Variants in TUSC3 observed in about 807,000 individuals in gnomAD.
TUSC3 encodes the protein dolichyl-diphosphooligosaccharide--protein glycosyltransferase subunit TUSC3.
In TUSC3, 45 loss-of-function variants were observed where a neutral mutation model predicts 44.8. The observed-to-expected ratio is 1.00, with a 90% confidence interval of 0.79 to 1.29. The LOEUF is 1.29. TUSC3 is among the 50% of genes most tolerant of loss of function. The pLI is 0.00. For synonymous variants in TUSC3, 212 were observed against 152.9 expected, an observed-to-expected ratio of 1.39 and a Z score of -2.85; for missense variants, 519 against 437.9, an observed-to-expected ratio of 1.19 and a Z score of -1.65.
the TUSC3 span, among the ~76,000 whole-genome samples, chr8:15,775,315 G>A: frequency 6.6e-6 from 1 of 152,006 alleles, no homozygotes; most frequent in South Asian, 2.1e-4. Flanking sequence ...GGGTAGGATG[G>A]GGAGTGACTA....
At chr8:15,569,317 A>T (rs1040848920) in intron 1 of TUSC3, among the ~76,000 whole-genome samples, 2 of 152,176 alleles carry the variant, frequency 1.3e-5, no homozygotes, top group Non-Finnish European at 2.9e-5. Flanking sequence ...TGGAAAATAC[A>T]TGGGCAGTTT....
chr8:15,684,296 C>G (rs535894022), intron 6 of TUSC3, among the ~76,000 whole-genome samples: 1 of 152,214 alleles, frequency 6.6e-6, no homozygotes, highest in African/African-American at 2.4e-5. Flanking sequence ...CCCACTGTTC[C>G]TCTGTATTTG....
chr8:15,561,398 T>G (rs1311820461), intron 1 of TUSC3, among the ~76,000 whole-genome samples: 1 of 140,490 alleles, frequency 7.1e-6, no homozygotes, highest in Non-Finnish European at 1.6e-5. Flanking sequence ...GAACCACTGC[T>G]CTCTTAAAAG....
intron 1 of TUSC3, among the ~76,000 whole-genome samples, chr8:15,469,522 A>G (rs1323033154): frequency 6.6e-6 from 1 of 152,228 alleles, no homozygotes; most frequent in Non-Finnish European, 1.5e-5. Flanking sequence ...GTATGGAACA[A>G]CAGAAGTTCT....
At chr8:15,508,880 T>C (rs547842928) in intron 2 of TUSC3, among the ~76,000 whole-genome samples, 1 of 152,338 alleles carries the variant, frequency 6.6e-6, no homozygotes, top group African/African-American at 2.4e-5. Context: ...ATATATTACC[T>C]TAATTCTTCC....
chr8:15,623,205 T>TA lies in TUSC3; in HGVS notation c.265dup (p.Met89AsnfsTer18), dbSNP rs1271840462. 6.2e-7 allele frequency: 1 copy of TA among 1,613,066 alleles called. No homozygotes were observed. Among genetic ancestry groups the TA allele is most frequent in the Admixed American group, 1.7e-5 (1 of 59,954 alleles). Reference sequence around the variant, plus strand: ...CACCTCGAAACTATTCCATGATTGTTATGTTCACTGCTCTTCAGCCTCAGC... The same window carrying TA: ...CACCTCGAAACTATTCCATGATTGTTAATGTTCACTGCTCTTCAGCCTCAGC... On this transcript the variant is annotated frameshift_variant, in exon 2 of 11. Coordinates refer to ENST00000503731, the MANE Select transcript of TUSC3 (RefSeq NM_006765.4). LOFTEE classifies it high-confidence loss of function.
At chr8:15,749,414 A>T (rs1007203112) in intron 9 of TUSC3, among the ~76,000 whole-genome samples, 1 of 152,144 alleles carries the variant, frequency 6.6e-6, no homozygotes, top group African/African-American at 2.4e-5. Context: ...TTATAATACA[A>T]GAATAAGACC....
At chr8:15,639,163 C>G (rs1240439165) in intron 2 of TUSC3, among the ~76,000 whole-genome samples, 1 of 122,074 alleles carries the variant, frequency 8.2e-6, no homozygotes, top group African/African-American at 3.2e-5. Flanking sequence ...GATCATGTGT[C>G]GATGCTAGAT....
intron 1 of TUSC3, among the ~76,000 whole-genome samples, chr8:15,446,761 G>A (rs1382315859): frequency 9.4e-6 from 1 of 106,532 alleles, no homozygotes; most frequent in African/African-American, 3.4e-5. Flanking sequence ...GAGGGGGAGG[G>A]AGAGCTATTT....
chr8:15,492,992 CAAAT>C (rs1800830392), intron 2 of TUSC3, among the ~76,000 whole-genome samples: 1 of 151,884 alleles, frequency 6.6e-6, no homozygotes, highest in African/African-American at 2.4e-5. Context: ...CCTGTCTCAA[CAAAT>C]AAATACATAG....
intron 6 of TUSC3, among the ~76,000 whole-genome samples, chr8:15,682,410 T>A (rs1808464428): frequency 6.6e-6 from 1 of 152,210 alleles, no homozygotes; most frequent in Admixed American, 6.5e-5. Flanking sequence ...TCTTTATCAT[T>A]ATGTAATTAC....
At chr8:15,671,471 C>G (rs116449693) in intron 5 of TUSC3, among the ~76,000 whole-genome samples, 1,709 of 152,048 alleles carry the variant, frequency 0.011, 41 homozygotes, top group African/African-American at 0.039. Context: ...GGCTATTTTG[C>G]ATTTTAGAAG....
rs139378942 is a variant in TUSC3, at chr8:15,470,073, T to G, written n.92-13313T>G. Reference sequence around the variant, plus strand: ...CAGTTCAAGACCAGCCTGGGAAACATAGGAAAACCTCGTCCCTACAAAAAA... The same window carrying G: ...CAGTTCAAGACCAGCCTGGGAAACAGAGGAAAACCTCGTCCCTACAAAAAA... On this transcript the variant is annotated intron_variant and non_coding_transcript_variant, in intron 1 of 5. Transcript: ENST00000503191. Among the ~76,000 whole-genome samples the G allele has an allele frequency of 8.8e-3, 1,315 of 149,322 alleles. 20 individuals carry two copies. Among genetic ancestry groups the G allele is most frequent in the African/African-American group, 0.031 (1,250 of 40,614 alleles).
chr8:15,559,860 A>C (rs1340319893), intron 1 of TUSC3, among the ~76,000 whole-genome samples: 2 of 97,970 alleles, frequency 2.0e-5, no homozygotes, highest in African/African-American at 8.1e-5. Flanking sequence ...TGCTTGGTAG[A>C]TCTTCCTCCA....
chr8:15,592,367 C>G (rs906134060), intron 1 of TUSC3, among the ~76,000 whole-genome samples: 4 of 152,114 alleles, frequency 2.6e-5, no homozygotes, highest in African/African-American at 7.2e-5. Context: ...TTTGTCCGCT[C>G]CAAATCTCAT....
chr8:15,640,597 A>G (rs759495329), intron 2 of TUSC3, among the ~76,000 whole-genome samples: 3 of 152,200 alleles, frequency 2.0e-5, no homozygotes, highest in Non-Finnish European at 4.4e-5. Context: ...CCCTGCCCCT[A>G]AAGAATCTTA....
the TUSC3 span, among the ~76,000 whole-genome samples, chr8:15,778,062 T>A: frequency 6.7e-6 from 1 of 150,108 alleles, no homozygotes; most frequent in African/African-American, 2.5e-5. Context: ...CTGCCTTCAA[T>A]CTGAGTGACA....
chr8:15,796,127 G>A, the TUSC3 span, among the ~76,000 whole-genome samples: 1 of 152,086 alleles, frequency 6.6e-6, no homozygotes, highest in Non-Finnish European at 1.5e-5. Flanking sequence ...AGAAATACAG[G>A]GTCCTTTCCT....
chr8:15,812,851 T>G, the TUSC3 span, among the ~76,000 whole-genome samples: 1 of 152,142 alleles, frequency 6.6e-6, no homozygotes, highest in African/African-American at 2.4e-5. Flanking sequence ...ATCCCAGCAC[T>G]TTGGGAGGCC....
Sources: gnomAD v4.1 joint callset for allele counts (sites outside exome capture counted in the v4.1 genomes callset) on GRCh38, gnomAD v4.1.1 for gene constraint, MANE v1.5 for transcripts, NCBI Gene and HGNC (gene_info 2026-07-23, HGNC 2026-07-21) for gene names.